RPS6KA2: variants seen among roughly 807,000 people sequenced by gnomAD.
RPS6KA2 encodes the protein ribosomal protein S6 kinase A2.
RPS6KA2 carries 42 observed loss-of-function variants against 91.8 expected under a neutral mutation model. The ratio of observed to expected loss-of-function variants is 0.46; its 90% CI spans 0.36 to 0.59. The LOEUF is 0.59. RPS6KA2 is among the 20% of genes least tolerant of loss of function. The probability of loss-of-function intolerance (pLI) is 0.00; values close to 1 mark genes in which losing one functional copy is unlikely to be tolerated. For missense variants in RPS6KA2, 798 were observed against 978.5 expected (o/e 0.82, Z 2.46); for synonymous variants, 414 against 393.6 (o/e 1.05, Z -0.61).
chr6:166,777,054 T>A (rs1778640435), intron 2 of RPS6KA2, among the ~76,000 whole-genome samples: 1 of 152,120 alleles, frequency 6.6e-6, no homozygotes, highest in Non-Finnish European at 1.5e-5. Context: ...TTGTTCAAGC[T>A]TGGGTTTTAA....
At chr6:166,667,890 G>A (rs984063353) in intron 2 of RPS6KA2, among the ~76,000 whole-genome samples, 1 of 152,176 alleles carries the variant, frequency 6.6e-6, no homozygotes, top group Non-Finnish European at 1.5e-5. Flanking sequence ...GAAACCCCTG[G>A]GCCCTGAGTG....
chr6:166,850,191 C>T (rs1467065586), intron 2 of RPS6KA2, among the ~76,000 whole-genome samples: 4 of 123,600 alleles, frequency 3.2e-5, no homozygotes, highest in African/African-American at 1.0e-4. Context: ...ATGTACATTA[C>T]AAGGGTACAA....
chr6:166,858,495 C>T (rs1229625916), intron 1 of RPS6KA2, among the ~76,000 whole-genome samples: 1 of 152,242 alleles, frequency 6.6e-6, no homozygotes, highest in Non-Finnish European at 1.5e-5. Flanking sequence ...AGTGTTCACA[C>T]TAAACCCTAA....
intron 2 of RPS6KA2, among the ~76,000 whole-genome samples, chr6:166,633,815 A>G (rs1787153488): frequency 6.6e-6 from 1 of 152,170 alleles, no homozygotes; most frequent in African/African-American, 2.4e-5. Flanking sequence ...CTCTCACAAG[A>G]TCATCACGGG....
intron 2 of RPS6KA2, chr6:166,701,654 T>C (rs574722602): frequency 4.9e-5 from 62 of 1,276,658 alleles, no homozygotes; most frequent in Middle Eastern, 4.9e-4. Context: ...GGAGGAGTCA[T>C]GGCTGAAGGG....
intron 2 of RPS6KA2, chr6:166,701,784 C>T (rs1789528700): frequency 1.0e-6 from 1 of 996,652 alleles, no homozygotes; most frequent in Non-Finnish European, 1.6e-6. Context: ...TCCTAACGCT[C>T]CCTGATTTTC....
intron 2 of RPS6KA2, among the ~76,000 whole-genome samples, chr6:166,840,613 T>TG (rs1780445916): frequency 4.6e-5 from 7 of 152,108 alleles, no homozygotes; most frequent in Admixed American, 2.6e-4. Context: ...TGCCAGTGAG[T>TG]TGTGTCCTGA....
chr6:166,604,856 C>T (rs1312299550), intron 1 of RPS6KA2, among the ~76,000 whole-genome samples: 2 of 152,142 alleles, frequency 1.3e-5, no homozygotes, highest in Non-Finnish European at 2.9e-5. Context: ...GGTCACGTAG[C>T]CTAAAATACG....
In RPS6KA2 at chr6:166,665,199, G is replaced by GC. The variant is rs1221023984; in HGVS notation, c.124-126416dup. Among the ~76,000 whole-genome samples, 2 of 152,104 alleles carry GC rather than the reference G, an allele frequency of 1.3e-5. No individual in the cohort carries two copies. The highest frequency in any genetic ancestry group is 6.5e-5 in the Admixed American group (1 of 15,268). ...CTGCAGGGCTCACAGACAGAGGAATGCCCCCCAAGATACTAACTCAGGTGA... is the reference window on the plus strand; with the variant it reads ...CTGCAGGGCTCACAGACAGAGGAATGCCCCCCCAAGATACTAACTCAGGTGA... On this transcript the variant is annotated intron_variant, in intron 2 of 21. Transcript: ENST00000503859. The surrounding 1 kb of genome is among the most constrained non-coding windows in gnomAD (Gnocchi z 4.5).
At chr6:166,701,473 A>T in intron 2 of RPS6KA2, 1 of 1,165,594 alleles carries the variant, frequency 8.6e-7, no homozygotes, top group Non-Finnish European at 1.3e-6. Context: ...GATCATCACC[A>T]TCCTCACCTT....
At chr6:166,486,269 CAT>C (rs1037031371) in intron 10 of RPS6KA2, among the ~76,000 whole-genome samples, 18 of 62,000 alleles carry the variant, frequency 2.9e-4, no homozygotes, top group African/African-American at 5.7e-4. Context: ...CACACACACA[CAT>C]GTGCACGCAC....
rs3799608 is a variant in RPS6KA2 at position 166,575,433 on chromosome 6, G to A, written c.100-36649C>T. On this transcript the variant is annotated intron_variant, in intron 1 of 20. Transcript: ENST00000265678. ...AGATGGAAGCACTATGAAATCCAAG[G>A]TTGCTCATTTCCGGTTCATTGTGTT... Among the ~76,000 whole-genome samples, 7 of 152,256 alleles carry A rather than the reference G, an allele frequency of 4.6e-5. No individual in the cohort carries two copies. The East Asian group carries it at 1.3e-3, about 29-fold the overall frequency.
At chr6:166,757,733 T>A in intron 2 of RPS6KA2, 2 of 327,484 alleles carry the variant, frequency 6.1e-6, no homozygotes, top group Non-Finnish European at 1.2e-5. Context: ...CCCTCACCCC[T>A]CTCCAGGCAG....
At position 166,645,844 on chromosome 6, in the gene RPS6KA2, C is replaced by T. The variant is rs537106556; in HGVS notation, c.124-107060G>A. Among the ~76,000 whole-genome samples, 27 of 152,348 alleles carry T rather than the reference C, an allele frequency of 1.8e-4. No individual in the cohort carries two copies. The South Asian group carries it at 3.9e-3, about 22-fold the overall frequency. On this transcript the variant is annotated intron_variant, in intron 2 of 21. Coordinates refer to the RPS6KA2 transcript ENST00000503859. ...TACATGTGTCAACATTTCAACTTAA[C>T]CACAGATTATTTTGCCTCCCAATGG...
rs1460983638 is a variant in RPS6KA2, at chr6:166,495,246, G to A, written c.747+3262C>T. Among the ~76,000 whole-genome samples, 3 of 152,016 alleles carry A rather than the reference G, an allele frequency of 2.0e-5. No homozygotes were observed. Among genetic ancestry groups the A allele is most frequent in the Non-Finnish European group, 4.4e-5 (3 of 68,042 alleles). On this transcript the variant is annotated intron_variant, in intron 8 of 20. Coordinates refer to ENST00000265678, the MANE Select transcript of RPS6KA2 (RefSeq NM_021135.6). This position sits in a 1 kb window ranked among gnomAD's most constrained non-coding sequence, Gnocchi z 4.4. ...TTGAGATCAAATGTGAAGATGGCCA[G>A]GCAGCCTTAGCTTGTGGTCACCACG...
Position 166,657,774 on chromosome 6 carries a change from C to T in RPS6KA2, c.124-118990G>A, listed in dbSNP as rs377408005. 9.2e-5 allele frequency among the ~76,000 whole-genome samples: 14 copies of T among 152,268 alleles called. No individual in the cohort carries two copies. In the East Asian group the frequency reaches 1.9e-3, roughly 21 times the overall value. ...AGATTTCGCTCACTTGAGAGCAGGG[C>T]GAGTTCTGCTTTTGAGGCCAGAAGT... On this transcript the variant is annotated intron_variant, in intron 2 of 21. Coordinates refer to the RPS6KA2 transcript ENST00000503859.
At chr6:166,736,256 G>A (rs1315873870) in intron 2 of RPS6KA2, among the ~76,000 whole-genome samples, 37 of 152,266 alleles carry the variant, frequency 2.4e-4, no homozygotes, top group Admixed American at 2.4e-3. Flanking sequence ...CAATCCACTG[G>A]GTCATTTTGT....
intron 2 of RPS6KA2, among the ~76,000 whole-genome samples, chr6:166,793,459 C>T (rs1170495180): frequency 6.7e-6 from 1 of 150,354 alleles, no homozygotes; most frequent in Non-Finnish European, 1.5e-5. Flanking sequence ...ATGCCATCCC[C>T]ATCAAGCTAC....
intron 17 of RPS6KA2, among the ~76,000 whole-genome samples, chr6:166,422,644 T>C (rs969243810): frequency 1.1e-4 from 16 of 152,180 alleles, no homozygotes; most frequent in African/African-American, 3.9e-4. Context: ...TAATGGAACT[T>C]GTTCCCGGGA....
Sources: allele counts gnomAD v4.1 joint callset (sites outside exome capture counted in the v4.1 genomes callset), GRCh38; gene constraint gnomAD v4.1.1; non-coding constraint Gnocchi (gnomAD v3.1); transcripts MANE v1.5; gene names NCBI Gene and HGNC (gene_info 2026-07-23, HGNC 2026-07-21).